Variants in DIS3 observed in about 807,000 individuals in gnomAD.
The protein encoded by DIS3 is exosome complex exonuclease RRP44.
DIS3 carries 103 observed loss-of-function variants against 113.0 expected under a neutral mutation model. That is an observed-to-expected ratio of 0.91 (90% confidence interval 0.78 to 1.07). The LOEUF is 1.07. Ranked by LOEUF, DIS3 falls within the 50% of genes least tolerant of loss-of-function variation. DIS3 has a pLI of 0.00. For missense variants in DIS3, 1,121 were observed against 1,167.1 expected, an observed-to-expected ratio of 0.96 and a Z score of 0.58; for synonymous variants, 402 against 394.3, an observed-to-expected ratio of 1.02 and a Z score of -0.23.
chr13:72,759,628 T>A lies in DIS3; in HGVS notation c.*167A>T. Reference sequence around the variant, plus strand: ...TGTTCAACCCAGAAGTATAGTAGTATGATGGGTCAGATACAGTCAACTGTT... The same window carrying A: ...TGTTCAACCCAGAAGTATAGTAGTAAGATGGGTCAGATACAGTCAACTGTT... On this transcript the variant is annotated 3_prime_UTR_variant, in exon 21 of 21. Transcript: ENST00000377767. 1 of 578,214 alleles carries A rather than the reference T, an allele frequency of 1.7e-6. No individual in the cohort carries two copies. Among genetic ancestry groups the A allele is most frequent in the Non-Finnish European group, 3.1e-6 (1 of 326,792 alleles). The allele number at this position is 578,214 out of a possible 1,614,324, so 35.8% of individuals were successfully genotyped here. A position where few individuals can be genotyped will look rare whatever the true frequency, so the allele number is the denominator to read the frequency against.
intron 8 of DIS3, 27 bp from the exon 9 acceptor site, chr13:72,772,866 C>A (rs368090469): frequency 6.4e-7 from 1 of 1,557,160 alleles, no homozygotes; most frequent in Non-Finnish European, 8.7e-7. Context: ...TTATTAGAAA[C>A]GCCTATTTTA....
intron 16 of DIS3, among the ~76,000 whole-genome samples, chr13:72,763,240 G>A (rs976224227): frequency 2.6e-5 from 4 of 152,068 alleles, no homozygotes; most frequent in African/African-American, 4.8e-5. Context: ...GGGAGGTGGA[G>A]GGTGCAGTGA....
chr13:72,765,424 AC>A (rs1188575813), intron 15 of DIS3, among the ~76,000 whole-genome samples: 1 of 152,160 alleles, frequency 6.6e-6, no homozygotes, highest in East Asian at 1.9e-4. Flanking sequence ...TCTTTCTGGC[AC>A]CAGGGACGGG....
chr13:72,759,346 A>G lies in DIS3; in HGVS notation c.*449T>C. 1 of 213,522 alleles carries G rather than the reference A, an allele frequency of 4.7e-6. No homozygotes were observed. The allele number at this position is 213,522 out of a possible 1,614,324, so 13.2% of individuals were successfully genotyped here. A position where few individuals can be genotyped will look rare whatever the true frequency, so the allele number is the denominator to read the frequency against. ...AATTAAAGATGGCAAAGGAGATTAC[A>G]TCCTCAACACTGACAGCTTCCAAGA... On this transcript the variant is annotated 3_prime_UTR_variant, in exon 21 of 21. Transcript: ENST00000377767.
chr13:72,761,652 A>G lies in DIS3; in HGVS notation c.2505T>C (p.His835=), dbSNP rs1288420544. The part of the protein sequence containing the change: ...QYAQRASVAF[H]TQLFFKSKGI... ...ATCGACAAAAGGCAAATACCTGGGTATGAAAAGCCACTGATGCACGTTGGG... is the reference window on the plus strand; with the variant it reads ...ATCGACAAAAGGCAAATACCTGGGTGTGAAAAGCCACTGATGCACGTTGGG... Residue 835 remains histidine (H), a synonymous_variant, in exon 18 of 21, where the codon CAT becomes CAC. Transcript: ENST00000377767. The G allele has an allele frequency of 1.3e-6, 2 of 1,592,274 alleles. No individual in the cohort carries two copies. Among genetic ancestry groups the G allele is most frequent in the Admixed American group, 3.7e-5 (2 of 54,718 alleles).
chr13:72,763,128 C>T (rs2033665520), intron 16 of DIS3, among the ~76,000 whole-genome samples: 1 of 151,834 alleles, frequency 6.6e-6, no homozygotes, highest in Non-Finnish European at 1.5e-5. Context: ...TGAAAATCTA[C>T]CTCTACCAAA....
rs766149826 is a variant in DIS3, at chr13:72,768,954, A to G, written c.1756-42T>C. On this transcript the variant is annotated intron_variant, in intron 13 of 20. Transcript: ENST00000377767. ...ATGTTATATAATTCTTATAAATGAT[A>G]GAAAAATGGTTTTCAATATGTCCTC... 37 of 1,415,118 alleles carry G rather than the reference A, an allele frequency of 2.6e-5. No individual in the cohort carries two copies. The South Asian group carries it at 4.5e-4, about 17-fold the overall frequency. The allele number at this position is 1,415,118 out of a possible 1,614,324, so 87.7% of individuals were successfully genotyped here.
chr13:72,768,886 C>T lies in DIS3; in HGVS notation c.1782G>A (p.Gln594=). The change falls in exon 14 of 21, where the codon CAG becomes CAA. Residue 594 remains glutamine (Q), a synonymous_variant. Transcript: ENST00000377767. ...TCATGTTTGCTGAATCAATTCTCAA[C>T]TGAGCTTCAGCATACGTCAGAGATG... ...SKASLTYAEA[Q]LRIDSANMND... is the part of the protein sequence containing the mutation. 6.2e-7 allele frequency: 1 copy of T among 1,600,730 alleles called. No homozygotes were observed. Among genetic ancestry groups the T allele is most frequent in the Non-Finnish European group, 8.6e-7 (1 of 1,168,808 alleles).
chr13:72,770,850 T>A, intron 13 of DIS3, 54 bp downstream of exon 13: 1 of 1,311,654 alleles, frequency 7.6e-7, no homozygotes, highest in Middle Eastern at 2.3e-4. Context: ...TTAGCTTTTT[T>A]CAAAAAAGTA....
At position 72,781,843 on chromosome 13, in the gene DIS3, C is replaced by T; in HGVS notation, c.-11G>A. 2 of 1,565,632 alleles carry T rather than the reference C, an allele frequency of 1.3e-6. No homozygotes were observed. On this transcript the variant is annotated 5_prime_UTR_variant, in exon 1 of 21. Transcript: ENST00000377767. ...CTTGGACTTGAGCATCTTGCCTCGC[C>T]GCGCAGAATCCTAACCCCAGCAGCG...
In DIS3 at chr13:72,756,807, A is replaced by T. The variant is rs1026459499; in HGVS notation, c.*2988T>A. ...CTCCTTTTTCTGCCATGATTGTGTA[A>T]GTGTCCTGAGGCCTCACCAGCAATG... On this transcript the variant is annotated 3_prime_UTR_variant, in exon 21 of 21. Transcript: ENST00000377767. The T allele has an allele frequency of 5.3e-5, 8 of 152,274 alleles. No individual in the cohort carries two copies. Among genetic ancestry groups the T allele is most frequent in the African/African-American group, 1.9e-4 (8 of 41,552 alleles). The allele number at this position is 152,274 out of a possible 1,614,324, so 9.4% of individuals were successfully genotyped here. A position where few individuals can be genotyped will look rare whatever the true frequency, so the allele number is the denominator to read the frequency against.
intron 16 of DIS3, 30 bp downstream of exon 16, chr13:72,763,421 T>C (rs762834477): frequency 1.0e-5 from 16 of 1,571,578 alleles, no homozygotes; most frequent in South Asian, 2.4e-5. Context: ...AAAACACAAA[T>C]AGATGATTTT....
rs397851597 is a variant in DIS3 at position 72,780,325 on chromosome 13, CAAAAAAAAAAAAAA to C, written c.386+507_386+520del. 4.3e-4 allele frequency among the ~76,000 whole-genome samples: 24 copies of C among 55,388 alleles called. No individual in the cohort carries two copies. In the Admixed American group the frequency reaches 4.8e-3, roughly 11 times the overall value. The allele number at this position is 55,388 out of a possible 152,430, so 36.3% of individuals were successfully genotyped here. ...TGGGTGACAGAGTGAGACTCCATCT[CAAAAAAAAAAAAAA>C]AAAAAAAAAAAGAATTCTATTCCTT... On this transcript the variant is annotated intron_variant, in intron 2 of 20. Coordinates refer to ENST00000377767, the MANE Select transcript of DIS3 (RefSeq NM_014953.5).
Position 72,762,119 on chromosome 13 carries a change from C to T in DIS3, c.2146G>A (p.Asp716Asn), listed in dbSNP as rs1566239479. ...GACTCAGCCAAAGACTTGGCTGTATCAGTCTTAATTTCCAAATTCTGTAAA... is the reference window on the plus strand; with the variant it reads ...GACTCAGCCAAAGACTTGGCTGTATTAGTCTTAATTTCCAAATTCTGTAAA... Reference protein sequence around the residue: ...ARSRNLEIKTDTAKSLAESLD... With the variant: ...ARSRNLEIKTNTAKSLAESLD... The change falls in exon 17 of 21, where the codon GAT becomes AAT. Residue 716 changes from aspartate (D) to asparagine (N), a missense_variant. Physicochemically the swap from Asp to Asn is conservative, Grantham distance 23 (BLOSUM62 1). Transcript: ENST00000377767. The T allele has an allele frequency of 6.2e-7, 1 of 1,613,708 alleles. No homozygotes were observed. Among genetic ancestry groups the T allele is most frequent in the Admixed American group, 1.7e-5 (1 of 60,012 alleles).
In DIS3 at chr13:72,768,844, A is replaced by G. The variant is rs761980272; in HGVS notation, c.1824T>C (p.Thr608=). Residue 608 remains threonine (T), a synonymous_variant, in exon 14 of 21, where the codon ACT becomes ACC. Transcript: ENST00000377767. ...DSANMNDDIT[T]SLRGLNKLAK... Reference sequence around the variant, plus strand: ...CTAGTTTATTCAGTCCACGGAGACTAGTGGTAATATCATCATTCATGTTTG... The same window carrying G: ...CTAGTTTATTCAGTCCACGGAGACTGGTGGTAATATCATCATTCATGTTTG... The G allele has an allele frequency of 3.1e-6, 5 of 1,608,374 alleles. No homozygotes were observed. In the Admixed American group the frequency reaches 8.3e-5, roughly 27 times the overall value.
At chr13:72,774,787 G>A (rs954232330) in intron 6 of DIS3, among the ~76,000 whole-genome samples, 10 of 152,132 alleles carry the variant, frequency 6.6e-5, no homozygotes, top group African/African-American at 2.4e-4. Context: ...TATGGTATCA[G>A]ATAAGTTGCC....
rs1448398352 is a variant in DIS3 at position 72,752,983 on chromosome 13, T to TC, written c.*6811dup. The TC allele has an allele frequency of 6.6e-6, 1 of 152,242 alleles. No individual in the cohort carries two copies. Among genetic ancestry groups the TC allele is most frequent in the Non-Finnish European group, 1.5e-5 (1 of 68,050 alleles). The allele number at this position is 152,242 out of a possible 1,614,324, so 9.4% of individuals were successfully genotyped here. ...GAACCTGGACTTAGGTCTCACATCTTCATCACCTCATCACTGGATGACATT... is the reference window on the plus strand; with the variant it reads ...GAACCTGGACTTAGGTCTCACATCTTCCATCACCTCATCACTGGATGACATT... On this transcript the variant is annotated 3_prime_UTR_variant, in exon 21 of 21. Transcript: ENST00000377767.
At chr13:72,761,592 T>G in intron 18 of DIS3, 54 bp downstream of exon 18, 1 of 1,533,592 alleles carries the variant, frequency 6.5e-7, no homozygotes, top group Non-Finnish European at 8.7e-7. Flanking sequence ...TGAAATTAAA[T>G]TAAAAATGAA....
rs2033640553 is a variant in DIS3, at chr13:72,762,056, T to A, written c.2209A>T (p.Asn737Tyr). Residue 737 changes from asparagine to tyrosine, a missense_variant, in exon 17 of 21, where the codon AAC becomes TAC. Asn to Tyr is a moderately radical substitution (Grantham distance 143). This residue lies in a region of DIS3 where 861 missense variants were observed against 915.5 expected (regional missense o/e 0.94). Transcript: ENST00000377767. ...GTGGCTAATATTCTCAACAGAGTGT[T>A]TAGATATGGAAAAGTAGGAGATTCG... ...QAESPTFPYLNTLLRILATRC... is the reference protein window; with the variant it reads ...QAESPTFPYLYTLLRILATRC... 6.2e-7 allele frequency: 1 copy of A among 1,613,970 alleles called. No individual in the cohort carries two copies.
Sources: allele counts gnomAD v4.1 joint callset (sites outside exome capture counted in the v4.1 genomes callset), GRCh38; gene constraint gnomAD v4.1.1; regional missense constraint gnomAD v4.1.1; transcripts MANE v1.5; gene names NCBI Gene and HGNC (gene_info 2026-07-23, HGNC 2026-07-21).